CYP20A1: variants seen among roughly 807,000 people sequenced by gnomAD.
The protein encoded by CYP20A1 is cytochrome P450 20A1.
In CYP20A1, 61 loss-of-function variants were observed where a neutral mutation model predicts 61.4. The observed-to-expected ratio is 0.99, with a 90% CI of 0.81 to 1.23. CYP20A1 has a LOEUF of 1.23. Ranked by LOEUF, CYP20A1 falls within the 50% of genes most tolerant of loss-of-function variation. The pLI is 0.00. For synonymous variants in CYP20A1, 193 were observed against 188.2 expected, an observed-to-expected ratio of 1.03 and a Z score of -0.21; for missense variants, 530 against 542.4, an observed-to-expected ratio of 0.98 and a Z score of 0.23.
At chr2:203,275,412 A>G (rs139973059) in intron 6 of CYP20A1, among the ~76,000 whole-genome samples, 1 of 152,076 alleles carries the variant, frequency 6.6e-6, no homozygotes, top group East Asian at 1.9e-4. Context: ...TTATAGTGTT[A>G]ATAATTTCTT....
intron 6 of CYP20A1, 43 bp from the exon 7 acceptor site, chr2:203,278,530 A>T: frequency 1.1e-6 from 1 of 931,618 alleles, no homozygotes. Context: ...TTCAGTCTCC[A>T]CTAATGCTTG....
At chr2:203,284,211 CTT>C (rs906066505) in intron 8 of CYP20A1, among the ~76,000 whole-genome samples, 20 of 152,016 alleles carry the variant, frequency 1.3e-4, no homozygotes, top group East Asian at 7.7e-4. Context: ...TATAAATTAA[CTT>C]TGAGATAAGT....
chr2:203,291,909 A>G (rs2068552072), intron 10 of CYP20A1, among the ~76,000 whole-genome samples: 1 of 151,990 alleles, frequency 6.6e-6, no homozygotes, highest in African/African-American at 2.4e-5. Flanking sequence ...CTTCCCACCT[A>G]TGAGTGAGAA....
At chr2:203,246,624 A>G in intron 2 of CYP20A1, 131 bp from the exon 3 acceptor site, 1 of 881,572 alleles carries the variant, frequency 1.1e-6, no homozygotes, top group Non-Finnish European at 1.7e-6. Context: ...TGAGTTTTGG[A>G]TTTTGCAGTA....
intron 5 of CYP20A1, among the ~76,000 whole-genome samples, chr2:203,269,301 T>TA (rs1302097227): frequency 1.3e-5 from 2 of 148,282 alleles, no homozygotes; most frequent in South Asian, 2.2e-4. Flanking sequence ...TTTTTTTTTT[T>TA]AATTAGTGAA....
rs1217934802 is a variant in CYP20A1, at chr2:203,279,391, AGAG to A, written c.796-664_796-662del. On this transcript the variant is annotated intron_variant, in intron 7 of 12. Transcript: ENST00000356079. Reference sequence around the variant, plus strand: ...TGAGCCAAAATTCTTGAATTACAAAAGAGGAGAAGGACTTGTGTTAGGTGTATT... The same window carrying A: ...TGAGCCAAAATTCTTGAATTACAAAAGAGAAGGACTTGTGTTAGGTGTATT... Among the ~76,000 whole-genome samples the A allele has an allele frequency of 5.9e-5, 9 of 152,332 alleles. No homozygotes were observed. The South Asian group carries it at 1.7e-3, about 28-fold the overall frequency.
At chr2:203,283,432 G>A (rs2068127964) in intron 8 of CYP20A1, among the ~76,000 whole-genome samples, 1 of 151,596 alleles carries the variant, frequency 6.6e-6, no homozygotes, top group South Asian at 2.1e-4. Flanking sequence ...TGGCCAGGCT[G>A]ATCTCGAACT....
In CYP20A1 at chr2:203,299,137, T is replaced by C. The variant is rs1350159725; in HGVS notation, c.*2229T>C. On this transcript the variant is annotated 3_prime_UTR_variant, in exon 13 of 13. Coordinates refer to ENST00000356079, the MANE Select transcript of CYP20A1 (RefSeq NM_177538.3). ...TGATAGCATTGTATATTAGTCCAAC[T>C]TTTTTGGCTACACTATTTGTGAAGG... Among the ~76,000 whole-genome samples the C allele has an allele frequency of 6.6e-6, 1 of 152,158 alleles. No individual in the cohort carries two copies. The highest frequency in any genetic ancestry group is 2.4e-5 in the African/African-American group (1 of 41,436).
At chr2:203,280,675 T>C (rs943234147) in intron 8 of CYP20A1, among the ~76,000 whole-genome samples, 1 of 152,230 alleles carries the variant, frequency 6.6e-6, no homozygotes, top group Non-Finnish European at 1.5e-5. Context: ...CATTCCAGCC[T>C]GGGCAACAGA....
chr2:203,257,771 A>G (rs1230559518), intron 4 of CYP20A1, among the ~76,000 whole-genome samples: 1 of 152,026 alleles, frequency 6.6e-6, no homozygotes, highest in Non-Finnish European at 1.5e-5. Flanking sequence ...CCCAGGCAAC[A>G]GTGCATGGAC....
At position 203,297,945 on chromosome 2, in the gene CYP20A1, C is replaced by T. The variant is rs555276875; in HGVS notation, c.*1037C>T. On this transcript the variant is annotated 3_prime_UTR_variant, in exon 13 of 13. Transcript: ENST00000356079. ...GCTTGCAGTGAGCCGAGATTGCACC[C>T]CTGCACTCCAGCCTGGGCCACAGAG... 2.6e-5 allele frequency: 4 copies of T among 152,062 alleles called. 1 individual carries two copies. Among genetic ancestry groups the T allele is most frequent in the Admixed American group, 2.6e-4 (4 of 15,232 alleles). 9.4% of individuals were successfully genotyped at this position (152,062 alleles called of 1,614,324 possible). A position where few individuals can be genotyped will look rare whatever the true frequency, so the allele number is the denominator to read the frequency against.
intron 9 of CYP20A1, 131 bp downstream of exon 9, chr2:203,285,863 T>C (rs986422551): frequency 5.1e-6 from 4 of 778,538 alleles, no homozygotes; most frequent in Non-Finnish European, 7.3e-6. Flanking sequence ...ATGTAGATTT[T>C]ATTAGGTAAA....
chr2:203,275,584 C>T (rs1446022673), intron 6 of CYP20A1, among the ~76,000 whole-genome samples: 2 of 151,980 alleles, frequency 1.3e-5, no homozygotes, highest in South Asian at 2.1e-4. Context: ...GGATTACAGA[C>T]GCCTGCCGCC....
chr2:203,283,416 C>T (rs2068126666), intron 8 of CYP20A1, among the ~76,000 whole-genome samples: 1 of 151,608 alleles, frequency 6.6e-6, no homozygotes, highest in Non-Finnish European at 1.5e-5. Flanking sequence ...CGAGGTTTCA[C>T]TGTGTTGGCC....
At chr2:203,271,061 T>C (rs1232747221) in intron 5 of CYP20A1, among the ~76,000 whole-genome samples, 3 of 50,248 alleles carry the variant, frequency 6.0e-5, no homozygotes, top group Admixed American at 2.4e-4. Flanking sequence ...TGTGTATATA[T>C]ATATATATAT....
intron 10 of CYP20A1, 97 bp from the exon 11 acceptor site, chr2:203,292,165 C>A: frequency 1.5e-6 from 1 of 671,546 alleles, no homozygotes; most frequent in East Asian, 2.6e-5. Context: ...ATTTTGTATT[C>A]AATATCTATA....
intron 9 of CYP20A1, among the ~76,000 whole-genome samples, chr2:203,286,611 T>G (rs1243664967): frequency 6.6e-6 from 1 of 151,954 alleles, no homozygotes. Context: ...TACTATATGA[T>G]TTCCTTTGTG....
intron 6 of CYP20A1, among the ~76,000 whole-genome samples, chr2:203,275,232 G>T (rs529798478): frequency 6.6e-6 from 1 of 152,294 alleles, no homozygotes; most frequent in South Asian, 2.1e-4. Context: ...ATGTACAACA[G>T]TAGTTCCCAA....
chr2:203,271,633 C>G (rs992691303), intron 5 of CYP20A1, among the ~76,000 whole-genome samples: 2 of 152,138 alleles, frequency 1.3e-5, no homozygotes, highest in African/African-American at 4.8e-5. Flanking sequence ...ATCCAAATCT[C>G]AGACTTTTAA....
Sources: gnomAD v4.1 joint callset for allele counts (sites outside exome capture counted in the v4.1 genomes callset) on GRCh38, gnomAD v4.1.1 for gene constraint, MANE v1.5 for transcripts, NCBI Gene and HGNC (gene_info 2026-07-23, HGNC 2026-07-21) for gene names.